Variants in IGDCC4 observed in about 807,000 individuals in gnomAD.
IGDCC4 encodes immunoglobulin superfamily DCC subclass member 4, also known as likely ortholog of mouse neighbor of Punc E11.
In IGDCC4, 72 loss-of-function variants were observed where a neutral mutation model predicts 116.6. The ratio of observed to expected loss-of-function variants is 0.62; its 90% CI spans 0.51 to 0.75. The LOEUF (loss-of-function observed/expected upper bound fraction) is 0.75. Among genes scored for constraint, IGDCC4 ranks in the 30% least tolerant of loss-of-function variants. The pLI is 0.00. For missense variants in IGDCC4, 1,501 were observed against 1,662.4 expected (o/e 0.90, Z 1.69); for synonymous variants, 709 against 719.9 (o/e 0.98, Z 0.24).
chr15:65,415,237 C>T (rs1488929246), intron 1 of IGDCC4, among the ~76,000 whole-genome samples: 1 of 152,224 alleles, frequency 6.6e-6, no homozygotes, highest in Non-Finnish European at 1.5e-5. Flanking sequence ...AGCCCTCCGG[C>T]AGCCTCCCTG....
chr15:65,419,939 TTTG>T (rs1194408112), intron 1 of IGDCC4, among the ~76,000 whole-genome samples: 2 of 152,114 alleles, frequency 1.3e-5, no homozygotes, highest in African/African-American at 2.4e-5. Flanking sequence ...CTCATGTTTT[TTTG>T]TTGTTGTTGT....
intron 17 of IGDCC4, 86 bp from the exon 18 acceptor site, chr15:65,386,145 G>C: frequency 1.2e-6 from 1 of 855,176 alleles, no homozygotes; most frequent in African/African-American, 1.7e-5. Flanking sequence ...ATGTCTCTGG[G>C]GAGGTTCCTG....
chr15:65,386,018 T>C lies in IGDCC4; in HGVS notation c.2993A>G (p.Asn998Ser), dbSNP rs372789559. ...PGLSSTATPG[N>S]PALYSRARLG... ...CCGAGCTCTGGAGTACAGCGCGGGA[T>C]TCCCGGGGGTGGCGGTGGAGGACAG... Residue 998 changes from asparagine to serine, a missense_variant, in exon 18 of 20, where the codon AAT (asparagine) becomes AGT (serine). Transcript: ENST00000352385. The C allele has an allele frequency of 2.6e-6, 4 of 1,562,752 alleles. No individual in the cohort carries two copies. Among genetic ancestry groups the C allele is most frequent in the Non-Finnish European group, 3.5e-6 (4 of 1,158,808 alleles).
At chr15:65,398,868 C>A (rs564136279) in intron 5 of IGDCC4, among the ~76,000 whole-genome samples, 2 of 151,964 alleles carry the variant, frequency 1.3e-5, no homozygotes, top group African/African-American at 4.8e-5. Flanking sequence ...CCAGCCCGGG[C>A]GACAGAGCGA....
In IGDCC4 at chr15:65,386,661, TGG is replaced by T; in HGVS notation, c.2846-7_2846-6del. The T allele has an allele frequency of 6.2e-7, 1 of 1,606,912 alleles. No individual in the cohort carries two copies. The highest frequency in any genetic ancestry group is 1.3e-5 in the African/African-American group (1 of 74,844). On this transcript the variant is annotated splice_region_variant and splice_polypyrimidine_tract_variant and intron_variant, in intron 16 of 19. Coordinates refer to ENST00000352385, the MANE Select transcript of IGDCC4 (RefSeq NM_020962.3). ...CTGAGTGCATGTCCAGCGAGTCTGG[TGG>T]GGGAGAGAGAGGCACAGAGCAGGTC...
At position 65,395,771 on chromosome 15, in the gene IGDCC4, G is replaced by A; in HGVS notation, c.1390C>T (p.Leu464Phe). 4.8e-6 allele frequency: 7 copies of A among 1,451,028 alleles called. No individual in the cohort carries two copies. Among genetic ancestry groups the A allele is most frequent in the Non-Finnish European group, 6.4e-6 (7 of 1,093,226 alleles). 89.9% of individuals were successfully genotyped at this position (1,451,028 alleles called of 1,614,324 possible). Residue 464 changes from leucine to phenylalanine, a missense_variant, in exon 7 of 20, where the codon CTC becomes TTC. By Grantham distance (22) the Leu-to-Phe change is conservative (BLOSUM62 0). Coordinates refer to ENST00000352385, the MANE Select transcript of IGDCC4 (RefSeq NM_020962.3). ...GTACCCCGTGCCTTCTGGTAGTGGA[G>A]AGAGAAGCCGATGATCTGCTCGCTG... ...MHSEQIIGFS[L>F]HYQKARGMDN...
In IGDCC4 at chr15:65,392,304, G is replaced by A; in HGVS notation, c.1952C>T (p.Pro651Leu). ...KMESLVVSWQ[P>L]PPHPTQISGY... ...AGAGATCTGGGTGGGGTGAGGGGGT[G>A]GCTGCCATGACACGACCAGGGACTC... The change falls in exon 11 of 20, where the codon CCA becomes CTA. Residue 651 changes from proline (P) to leucine (L), a missense_variant. Physicochemically the swap from Pro to Leu is moderately conservative, Grantham distance 98. Around this residue, in one of 3 missense-constraint regions of IGDCC4, gnomAD observed 898 missense variants for 978.9 expected, o/e 0.92. Transcript: ENST00000352385. 3.1e-6 allele frequency: 5 copies of A among 1,595,644 alleles called. No homozygotes were observed. The highest frequency in any genetic ancestry group is 4.3e-6 in the Non-Finnish European group (5 of 1,168,250).
At position 65,393,677 on chromosome 15, in the gene IGDCC4, T is replaced by A. The variant is rs1315096868; in HGVS notation, c.1715-146A>T. ...TTCTCAGCACTGACCCCTCAGTGCC[T>A]GGGCAGATTCTATGGCTCCAGGGTT... On this transcript the variant is annotated intron_variant, in intron 9 of 19. Transcript: ENST00000352385. This position sits in a 1 kb window ranked among gnomAD's most constrained non-coding sequence, Gnocchi z 4.6. 4 of 763,750 alleles carry A rather than the reference T, an allele frequency of 5.2e-6. No homozygotes were observed. The East Asian group carries it at 8.6e-5, about 16-fold the overall frequency. 47.3% of individuals were successfully genotyped at this position (763,750 alleles called of 1,614,324 possible).
intron 1 of IGDCC4, among the ~76,000 whole-genome samples, chr15:65,416,853 A>G (rs2063149795): frequency 6.6e-6 from 1 of 152,176 alleles, no homozygotes; most frequent in Admixed American, 6.5e-5. Context: ...TTACAGGATA[A>G]ACTGGATTTT....
Position 65,384,489 on chromosome 15 carries a change from C to A in IGDCC4, c.3343-70G>T. 4 of 1,417,892 alleles carry A rather than the reference C, an allele frequency of 2.8e-6. No homozygotes were observed. The Admixed American group carries it at 7.4e-5, about 26-fold the overall frequency. The allele number at this position is 1,417,892 out of a possible 1,614,324, so 87.8% of individuals were successfully genotyped here. A position where few individuals can be genotyped will look rare whatever the true frequency, so the allele number is the denominator to read the frequency against. On this transcript the variant is annotated intron_variant, in intron 19 of 19. Transcript: ENST00000352385. This position sits in a 1 kb window ranked among gnomAD's most constrained non-coding sequence, Gnocchi z 4.9. ...AGTAATCATCAGAATGACCAGCGTACGTGGGGCAGAAAGTCTGACCCTCCA... is the reference window on the plus strand; with the variant it reads ...AGTAATCATCAGAATGACCAGCGTAAGTGGGGCAGAAAGTCTGACCCTCCA...
intron 1 of IGDCC4, among the ~76,000 whole-genome samples, chr15:65,416,438 A>G (rs1275282954): frequency 1.3e-5 from 2 of 152,080 alleles, no homozygotes; most frequent in Non-Finnish European, 2.9e-5. Flanking sequence ...CGCCCGGCCA[A>G]ACCTCTAGCA....
intron 1 of IGDCC4, among the ~76,000 whole-genome samples, chr15:65,419,484 A>G (rs757997194): frequency 2.0e-5 from 3 of 152,162 alleles, no homozygotes; most frequent in Non-Finnish European, 2.9e-5. Flanking sequence ...TGTGTGTTTA[A>G]TTGAGTCATG....
chr15:65,403,970 T>C (rs1279008713), intron 3 of IGDCC4, among the ~76,000 whole-genome samples: 1 of 151,642 alleles, frequency 6.6e-6, no homozygotes. Context: ...CAGCTCCAGG[T>C]TGAGAATCCT....
intron 1 of IGDCC4, among the ~76,000 whole-genome samples, chr15:65,414,974 G>C (rs2063129613): frequency 6.6e-6 from 1 of 152,238 alleles, no homozygotes; most frequent in African/African-American, 2.4e-5. Flanking sequence ...TTACAGGCAT[G>C]AGCTACCATG....
Position 65,393,268 on chromosome 15 carries a change from G to C in IGDCC4, c.1885+93C>G. ...AGCCATGGAAGGTCTCTGATGGAGGGCGGGGCCAGGGGGTGGGGCGCTGGG... is the reference window on the plus strand; with the variant it reads ...AGCCATGGAAGGTCTCTGATGGAGGCCGGGGCCAGGGGGTGGGGCGCTGGG... On this transcript the variant is annotated intron_variant, in intron 10 of 19. Transcript: ENST00000352385. This position sits in a 1 kb window ranked among gnomAD's most constrained non-coding sequence, Gnocchi z 4.6. 7.4e-7 allele frequency: 1 copy of C among 1,355,484 alleles called. No homozygotes were observed. 84.0% of individuals were successfully genotyped at this position (1,355,484 alleles called of 1,614,324 possible). A position where few individuals can be genotyped will look rare whatever the true frequency, so the allele number is the denominator to read the frequency against.
At chr15:65,415,323 C>T (rs1376504732) in intron 1 of IGDCC4, among the ~76,000 whole-genome samples, 2 of 152,234 alleles carry the variant, frequency 1.3e-5, no homozygotes, top group African/African-American at 4.8e-5. Context: ...GGGGCCCGAG[C>T]AGCTGCTGGG....
chr15:65,394,228 G>GGCCC (rs1196014867), intron 9 of IGDCC4, among the ~76,000 whole-genome samples, 183 bp downstream of exon 9: 9 of 148,814 alleles, frequency 6.0e-5, no homozygotes, highest in African/African-American at 2.2e-4. Context: ...CCTTAAGCTA[G>GGCCC]GCCCCTCTGT....
intron 5 of IGDCC4, among the ~76,000 whole-genome samples, chr15:65,399,141 C>A (rs1248251954): frequency 1.3e-5 from 2 of 152,068 alleles, no homozygotes; most frequent in Non-Finnish European, 2.9e-5. Context: ...TTCTGCATTT[C>A]TAACTAGTCA....
intron 1 of IGDCC4, among the ~76,000 whole-genome samples, chr15:65,411,707 C>T (rs550761348): frequency 9.2e-5 from 14 of 152,270 alleles, no homozygotes; most frequent in Middle Eastern, 3.4e-3. Context: ...GAAAACTTGA[C>T]GCTAAGTGAA....
Sources: allele counts gnomAD v4.1 joint callset (sites outside exome capture counted in the v4.1 genomes callset), GRCh38; gene constraint gnomAD v4.1.1; regional missense constraint gnomAD v4.1.1; non-coding constraint Gnocchi (gnomAD v3.1); transcripts MANE v1.5; gene names NCBI Gene and HGNC (gene_info 2026-07-23, HGNC 2026-07-21).